CDH4: variants seen among roughly 807,000 people sequenced by gnomAD.
CDH4 encodes the protein cadherin-4.
CDH4 carries 33 observed loss-of-function variants against 86.0 expected under a neutral mutation model. The ratio of observed to expected loss-of-function variants is 0.38; its 90% confidence interval spans 0.29 to 0.51. CDH4 has a LOEUF of 0.51. Among genes scored for constraint, CDH4 ranks in the 20% least tolerant of loss-of-function variants. The pLI is 0.86. For synonymous variants in CDH4, 555 were observed against 549.4 expected (o/e 1.01, Z -0.14); for missense variants, 1,114 against 1,307.4 (o/e 0.85, Z 2.28).
intron 2 of CDH4, among the ~76,000 whole-genome samples, chr20:61,410,323 C>T (rs1184414901): frequency 6.6e-6 from 1 of 152,192 alleles, no homozygotes; most frequent in Non-Finnish European, 1.5e-5. Context: ...GTTAGTCTCT[C>T]CATTCTTCCA....
intron 2 of CDH4, among the ~76,000 whole-genome samples, chr20:61,414,566 T>C (rs966996436): frequency 6.6e-6 from 1 of 152,206 alleles, no homozygotes; most frequent in South Asian, 2.1e-4. Context: ...TCAACTGTTC[T>C]CTGTGCGGCA....
In CDH4 at chr20:61,826,460, G is replaced by A. The variant is rs1003206693; in HGVS notation, c.577-18208G>A. Among the ~76,000 whole-genome samples the A allele has an allele frequency of 2.0e-5, 3 of 152,222 alleles. No individual in the cohort carries two copies. The East Asian group carries it at 5.8e-4, about 29-fold the overall frequency. On this transcript the variant is annotated intron_variant, in intron 4 of 15. Transcript: ENST00000614565. ...CCACCCTGTCAGAGAAGGCCTTGCT[G>A]ATGCCCTTATGGAAAACCATGTCTA...
chr20:61,648,264 G>T (rs2087086283), intron 2 of CDH4, among the ~76,000 whole-genome samples: 1 of 152,232 alleles, frequency 6.6e-6, no homozygotes, highest in Admixed American at 6.5e-5. Context: ...GAAGGTCAGG[G>T]CTTTCAGTAG....
At chr20:61,360,551 A>G (rs893433488) in intron 2 of CDH4, among the ~76,000 whole-genome samples, 6 of 152,192 alleles carry the variant, frequency 3.9e-5, no homozygotes, top group African/African-American at 1.4e-4. Context: ...GCAGGGGGCC[A>G]TGGGAGTCCT....
At chr20:61,882,077 G>A (rs546585390) in intron 7 of CDH4, among the ~76,000 whole-genome samples, 5 of 152,332 alleles carry the variant, frequency 3.3e-5, no homozygotes, top group Admixed American at 2.0e-4. Context: ...GCCGGACCCT[G>A]CCCGCGCCTC....
At chr20:61,844,154 C>A (rs1412082057) in intron 4 of CDH4, among the ~76,000 whole-genome samples, 1 of 152,210 alleles carries the variant, frequency 6.6e-6, no homozygotes, top group African/African-American at 2.4e-5. Context: ...TCGTGTCTGC[C>A]TGTGTCTTTC....
intron 4 of CDH4, among the ~76,000 whole-genome samples, chr20:61,801,860 G>C (rs1979847552): frequency 6.6e-6 from 1 of 152,236 alleles, no homozygotes; most frequent in African/African-American, 2.4e-5. Flanking sequence ...GGGAAATCCA[G>C]GATGGGCCTC....
chr20:61,343,561 C>A (rs2084660418), intron 2 of CDH4, among the ~76,000 whole-genome samples: 1 of 152,128 alleles, frequency 6.6e-6, no homozygotes, highest in African/African-American at 2.4e-5. Context: ...CCTGCTGCAG[C>A]AGTATAAAAC....
chr20:61,719,571 C>T lies in CDH4; in HGVS notation c.170-23992C>T, dbSNP rs1600909815. On this transcript the variant is annotated intron_variant, in intron 2 of 15. Transcript: ENST00000614565. ...TCTGTATAATTGCCGCTTTAAATCA[C>T]AAAAGCCTTTAGAGTTATGGATGCA... 3 of 187,762 alleles carry T rather than the reference C, an allele frequency of 1.6e-5. No homozygotes were observed. The South Asian group carries it at 3.3e-4, about 21-fold the overall frequency. 11.6% of individuals were successfully genotyped at this position (187,762 alleles called of 1,614,324 possible). A position where few individuals can be genotyped will look rare whatever the true frequency, so the allele number is the denominator to read the frequency against.
chr20:61,308,939 G>C (rs2123218943), intron 2 of CDH4, among the ~76,000 whole-genome samples: 1 of 152,350 alleles, frequency 6.6e-6, no homozygotes, highest in East Asian at 1.9e-4. Flanking sequence ...TTCCTGCCTG[G>C]ATCTGATGGG....
At position 61,417,460 on chromosome 20, in the gene CDH4, T is replaced by C. The variant is rs1438282655; in HGVS notation, c.169+162523T>C. 6.6e-6 allele frequency among the ~76,000 whole-genome samples: 1 copy of C among 152,088 alleles called. No individual in the cohort carries two copies. The highest frequency in any genetic ancestry group is 2.4e-5 in the African/African-American group (1 of 41,424). ...GAGTGCCAGCTGTTTCCTCTAAAAA[T>C]ATCACCCACGTGAGCCAGCACCGTT... On this transcript the variant is annotated intron_variant, in intron 2 of 15. Coordinates refer to ENST00000614565, the MANE Select transcript of CDH4 (RefSeq NM_001794.5). The surrounding 1 kb of genome is among the most constrained non-coding windows in gnomAD (Gnocchi z 4.0).
At position 61,792,955 on chromosome 20, in the gene CDH4, T is replaced by TG. The variant is rs1228224142; in HGVS notation, c.576+19773_576+19774insG. Among the ~76,000 whole-genome samples, 272 of 139,150 alleles carry TG rather than the reference T, an allele frequency of 2.0e-3. 1 individual carries two copies. The highest frequency in any genetic ancestry group is 6.6e-3 in the African/African-American group (250 of 37,830). The allele number at this position is 139,150 out of a possible 152,430, so 91.3% of individuals were successfully genotyped here. A position where few individuals can be genotyped will look rare whatever the true frequency, so the allele number is the denominator to read the frequency against. Reference sequence around the variant, plus strand: ...TGAGCCACCGTGCCTGGCCTATGTGTTTTTTTTGTTTTTGTTTTTGTTTTT... The same window carrying TG: ...TGAGCCACCGTGCCTGGCCTATGTGTGTTTTTTTGTTTTTGTTTTTGTTTTT... On this transcript the variant is annotated intron_variant, in intron 4 of 15. Transcript: ENST00000614565.
chr20:61,471,057 G>A (rs1311809318), intron 2 of CDH4, among the ~76,000 whole-genome samples: 1 of 152,002 alleles, frequency 6.6e-6, no homozygotes, highest in African/African-American at 2.4e-5. Context: ...CTCACATAAT[G>A]AGTTTGGAAG....
chr20:61,364,978 G>A (rs1264180584), intron 2 of CDH4, among the ~76,000 whole-genome samples: 1 of 152,196 alleles, frequency 6.6e-6, no homozygotes, highest in African/African-American at 2.4e-5. Flanking sequence ...GGATCCCAAT[G>A]CCTGTTGAGG....
intron 2 of CDH4, among the ~76,000 whole-genome samples, chr20:61,640,192 G>A (rs1002060848): frequency 6.6e-6 from 1 of 152,188 alleles, no homozygotes; most frequent in African/African-American, 2.4e-5. Context: ...ACTCTTCTTG[G>A]TCTTTGTGAC....
intron 2 of CDH4, among the ~76,000 whole-genome samples, chr20:61,487,908 C>T (rs745448096): frequency 9.1e-4 from 139 of 152,208 alleles, no homozygotes; most frequent in Non-Finnish European, 1.8e-3. Flanking sequence ...AAAATACAAA[C>T]TGAGGTCAGC....
At chr20:61,671,945 G>C (rs1322401474) in intron 2 of CDH4, among the ~76,000 whole-genome samples, 4 of 151,158 alleles carry the variant, frequency 2.6e-5, no homozygotes, top group African/African-American at 7.3e-5. Context: ...ATGATAGATG[G>C]TGGATGGATG....
At chr20:61,932,669 A>G (rs1350573586) in intron 13 of CDH4, among the ~76,000 whole-genome samples, 1 of 152,192 alleles carries the variant, frequency 6.6e-6, no homozygotes, top group African/African-American at 2.4e-5. Flanking sequence ...GCATGCTTAC[A>G]CAGACGCATG....
At chr20:61,364,230 G>T (rs564966690) in intron 2 of CDH4, among the ~76,000 whole-genome samples, 107 of 152,266 alleles carry the variant, frequency 7.0e-4, no homozygotes, top group African/African-American at 2.4e-3. Context: ...CAGTGGCCAG[G>T]CACCTTGGGA....
Sources: gnomAD v4.1 joint callset for allele counts (sites outside exome capture counted in the v4.1 genomes callset) on GRCh38, gnomAD v4.1.1 for gene constraint, Gnocchi (gnomAD v3.1) non-coding constraint, MANE v1.5 for transcripts, NCBI Gene and HGNC (gene_info 2026-07-23, HGNC 2026-07-21) for gene names.